Variants in CDH4 observed in about 807,000 individuals in gnomAD.
The protein encoded by CDH4 is cadherin 4, also known as cadherin-4.
In CDH4, 33 loss-of-function variants were observed where a neutral mutation model predicts 86.0. The ratio of observed to expected loss-of-function variants is 0.38; its 90% CI spans 0.29 to 0.51. The LOEUF is 0.51. CDH4 is among the 20% of genes least tolerant of loss of function. CDH4 has a pLI of 0.86. For synonymous variants in CDH4, 555 were observed against 549.4 expected, an observed-to-expected ratio of 1.01 and a Z score of -0.14; for missense variants, 1,114 against 1,307.4, an observed-to-expected ratio of 0.85 and a Z score of 2.28.
intron 2 of CDH4, among the ~76,000 whole-genome samples, chr20:61,476,580 A>C (rs2085537324): frequency 6.6e-6 from 1 of 152,226 alleles, no homozygotes; most frequent in African/African-American, 2.4e-5. Context: ...CCGGTGAGAC[A>C]CAGGTGGAGA....
intron 2 of CDH4, among the ~76,000 whole-genome samples, chr20:61,558,393 G>A (rs1262990360): frequency 6.6e-6 from 1 of 152,020 alleles, no homozygotes; most frequent in Non-Finnish European, 1.5e-5. Context: ...AGTACCCATG[G>A]AGAAATTCTT....
At chr20:61,859,295 A>T (rs1421223600) in intron 6 of CDH4, among the ~76,000 whole-genome samples, 1 of 152,170 alleles carries the variant, frequency 6.6e-6, no homozygotes, top group African/African-American at 2.4e-5. Context: ...TATTCTAGAT[A>T]CAAGTCCTTT....
intron 4 of CDH4, among the ~76,000 whole-genome samples, chr20:61,780,653 A>C (rs899436460): frequency 2.6e-5 from 4 of 152,090 alleles, no homozygotes; most frequent in African/African-American, 9.7e-5. Flanking sequence ...TCATTCTAAC[A>C]CTCCTATCAA....
chr20:61,334,936 C>T (rs2084609159), intron 2 of CDH4, among the ~76,000 whole-genome samples: 1 of 152,224 alleles, frequency 6.6e-6, no homozygotes, highest in African/African-American at 2.4e-5. Context: ...CTTCCTTTTC[C>T]CAGGCTGCTG....
chr20:61,851,690 C>A (rs561763017), intron 5 of CDH4, among the ~76,000 whole-genome samples: 1 of 152,204 alleles, frequency 6.6e-6, no homozygotes, highest in Admixed American at 6.5e-5. Flanking sequence ...CTTTCCACTC[C>A]CCGACAGCCC....
In CDH4 at chr20:61,377,832, C is replaced by A. The variant is rs755960284; in HGVS notation, c.169+122895C>A. ...GTCCTTAGAAGGCTGGAGGCCTGTC[C>A]TCTGTAGCAGAAGGGAGATCAATGC... is the stretch of plus-strand genomic sequence containing the variant. On this transcript the variant is annotated intron_variant, in intron 2 of 15. Coordinates refer to ENST00000614565, the MANE Select transcript of CDH4 (RefSeq NM_001794.5). This position sits in a 1 kb window ranked among gnomAD's most constrained non-coding sequence, Gnocchi z 4.0. Among the ~76,000 whole-genome samples the A allele has an allele frequency of 6.6e-6, 1 of 152,238 alleles. No individual in the cohort carries two copies. Among genetic ancestry groups the A allele is most frequent in the Non-Finnish European group, 1.5e-5 (1 of 68,054 alleles).
intron 2 of CDH4, among the ~76,000 whole-genome samples, chr20:61,464,332 T>A (rs941217642): frequency 6.6e-6 from 1 of 152,220 alleles, no homozygotes; most frequent in Non-Finnish European, 1.5e-5. Flanking sequence ...AACCTGCATT[T>A]TGAATCCAGA....
intron 3 of CDH4, among the ~76,000 whole-genome samples, chr20:61,768,958 C>G (rs1303557502): frequency 1.3e-5 from 2 of 152,138 alleles, no homozygotes; most frequent in East Asian, 1.9e-4. Context: ...TTCAGAGGGC[C>G]CTGGTGAGCT....
rs975250961 is a variant in CDH4 at position 61,879,564 on chromosome 20, T to C, written c.1050+5664T>C. On this transcript the variant is annotated intron_variant, in intron 7 of 15. Transcript: ENST00000614565. This position sits in a 1 kb window ranked among gnomAD's most constrained non-coding sequence, Gnocchi z 4.1. ...GCTATGTAAATTGAGCGCTTCTACT[T>C]GATTAAGATGTCAGGAGAGGCTTCG... Among the ~76,000 whole-genome samples the C allele has an allele frequency of 1.3e-5, 2 of 152,146 alleles. No homozygotes were observed. Among genetic ancestry groups the C allele is most frequent in the Non-Finnish European group, 2.9e-5 (2 of 68,034 alleles).
At chr20:61,253,871 C>G (rs1480833982) in intron 1 of CDH4, among the ~76,000 whole-genome samples, 1 of 152,170 alleles carries the variant, frequency 6.6e-6, no homozygotes, top group South Asian at 2.1e-4. Flanking sequence ...CGCCACTGCC[C>G]GGTGCGGGCT....
At chr20:61,373,175 C>G (rs2084849638) in intron 2 of CDH4, among the ~76,000 whole-genome samples, 3 of 152,322 alleles carry the variant, frequency 2.0e-5, no homozygotes. Context: ...CACTCCCGCC[C>G]CCGTCTCAAC....
At chr20:61,560,711 C>T (rs958893153) in intron 2 of CDH4, among the ~76,000 whole-genome samples, 72 of 152,258 alleles carry the variant, frequency 4.7e-4, no homozygotes, top group Admixed American at 4.5e-3. Context: ...CTTCCAGGAA[C>T]GTGAGCCATC....
chr20:61,937,067 C>A lies in CDH4; in HGVS notation c.*124C>A. 4.0e-6 allele frequency: 3 copies of A among 744,858 alleles called. No individual in the cohort carries two copies. The highest frequency in any genetic ancestry group is 2.0e-6 in the Non-Finnish European group (1 of 495,018). 46.1% of individuals were successfully genotyped at this position (744,858 alleles called of 1,614,324 possible). A position where few individuals can be genotyped will look rare whatever the true frequency, so the allele number is the denominator to read the frequency against. On this transcript the variant is annotated 3_prime_UTR_variant, in exon 16 of 16. Transcript: ENST00000614565. ...TGTCCTTAGTGCTGTTAGGAGGCCC[C>A]CCAATCCCCACGTTGAGCTGTCTAG...
chr20:61,882,863 G>A (rs1433701475), intron 7 of CDH4, among the ~76,000 whole-genome samples: 2 of 150,814 alleles, frequency 1.3e-5, no homozygotes, highest in East Asian at 4.0e-4. Context: ...CACCCGGCCG[G>A]CCCCGCAGGT....
chr20:61,626,083 G>T (rs2086827465), intron 2 of CDH4, among the ~76,000 whole-genome samples: 1 of 152,364 alleles, frequency 6.6e-6, no homozygotes, highest in African/African-American at 2.4e-5. Context: ...CTTACCGTGT[G>T]TCTGGCCGAG....
At chr20:61,724,094 C>G (rs1302696594) in intron 2 of CDH4, among the ~76,000 whole-genome samples, 2 of 144,526 alleles carry the variant, frequency 1.4e-5, no homozygotes, top group Non-Finnish European at 3.1e-5. Context: ...GGTGGGTCCC[C>G]ATGCAGGGGG....
intron 2 of CDH4, among the ~76,000 whole-genome samples, chr20:61,467,736 G>A (rs1045000084): frequency 2.0e-5 from 3 of 152,166 alleles, no homozygotes; most frequent in Non-Finnish European, 4.4e-5. Flanking sequence ...TATGGTTTAT[G>A]TGGAGGTGGA....
At chr20:61,586,425 A>G (rs901298888) in intron 2 of CDH4, among the ~76,000 whole-genome samples, 3 of 152,104 alleles carry the variant, frequency 2.0e-5, no homozygotes, top group Non-Finnish European at 2.9e-5. Flanking sequence ...TGACCCCATA[A>G]CCAGCTAGGG....
At chr20:61,923,164 GC>G (rs576807414) in intron 9 of CDH4, among the ~76,000 whole-genome samples, 11 of 152,304 alleles carry the variant, frequency 7.2e-5, no homozygotes, top group East Asian at 3.9e-4. Flanking sequence ...GGGGGCTGCA[GC>G]CCCCCCAGGA....
Sources: allele counts gnomAD v4.1 joint callset (sites outside exome capture counted in the v4.1 genomes callset), GRCh38; gene constraint gnomAD v4.1.1; non-coding constraint Gnocchi (gnomAD v3.1); transcripts MANE v1.5; gene names NCBI Gene and HGNC (gene_info 2026-07-23, HGNC 2026-07-21).